LHFPL1: variants seen among roughly 807,000 people sequenced by gnomAD.
LHFPL1 encodes LHFPL tetraspan subfamily member 1 protein.
In LHFPL1, 4 loss-of-function variants were observed where a neutral mutation model predicts 12.1. That is an observed-to-expected ratio of 0.33 (90% CI 0.16 to 0.76). LHFPL1 has a LOEUF of 0.76. Ranked by LOEUF, LHFPL1 falls within the 30% of genes least tolerant of loss-of-function variation. The pLI is 0.61. For synonymous variants in LHFPL1, 52 were observed against 61.9 expected, an observed-to-expected ratio of 0.84 and a Z score of 0.75; for missense variants, 141 against 174.1, an observed-to-expected ratio of 0.81 and a Z score of 1.07.
At position 112,671,104 on chromosome X, in the gene LHFPL1, A is replaced by G; in HGVS notation, c.287T>C (p.Leu96Pro). Residue 96 changes from leucine to proline, a missense_variant, in exon 2 of 4, where the codon CTC becomes CCC. Transcript: ENST00000371968. ...VVTGAGCALL[L>P]LVALAAVLGC... ...CAGGACAGCAGCTAGTGCCACCAGG[A>G]GCAGCAGAGCACAGCCGGCACCTGT... is the stretch of plus-strand genomic sequence containing the variant. 2.5e-6 allele frequency: 3 copies of G among 1,211,792 alleles called. No homozygotes were observed. Among genetic ancestry groups the G allele is most frequent in the Non-Finnish European group, 3.4e-6 (3 of 895,261 alleles).
chrX:112,679,693 G>A (rs1931750620), intron 1 of LHFPL1, 136 bp downstream of exon 1: 1 of 111,625 alleles, frequency 9.0e-6, no homozygotes, highest in Non-Finnish European at 1.9e-5. Context: ...GGTAGAAAAC[G>A]GCTTCTCTGA....
Position 112,676,024 on chromosome X carries a change from C to T in LHFPL1, c.-15+3805G>A, listed in dbSNP as rs902606628. Among the ~76,000 whole-genome samples the T allele has an allele frequency of 2.7e-5, 3 of 111,990 alleles. No homozygotes were observed. The Admixed American group carries it at 2.8e-4, about 11-fold the overall frequency. On this transcript the variant is annotated intron_variant, in intron 1 of 3. Transcript: ENST00000371968. ...CAATATGAGTCTCAGCCCAACTTCCCTTGTGGCTGGATAGAGAGGCTGCAG... is the reference window on the plus strand; with the variant it reads ...CAATATGAGTCTCAGCCCAACTTCCTTTGTGGCTGGATAGAGAGGCTGCAG...
intron 2 of LHFPL1, among the ~76,000 whole-genome samples, chrX:112,669,474 G>A (rs757085963): frequency 8.9e-6 from 1 of 112,208 alleles, no homozygotes; most frequent in African/African-American, 3.2e-5. Context: ...GTGGCTAAAC[G>A]GTGGGAAAAA....
chrX:112,632,368 G>A (rs910373527), intron 3 of LHFPL1, among the ~76,000 whole-genome samples: 1 of 111,929 alleles, frequency 8.9e-6, no homozygotes. Context: ...ATCAGAGACA[G>A]GTTCCTTTGT....
chrX:112,668,219 C>T (rs1341974818), intron 2 of LHFPL1, among the ~76,000 whole-genome samples: 1 of 112,242 alleles, frequency 8.9e-6, no homozygotes, highest in Non-Finnish European at 1.9e-5. Context: ...TTTCCTTCCA[C>T]TGGCAAAGCC....
chrX:112,664,684 A>G (rs1331409035), intron 2 of LHFPL1, among the ~76,000 whole-genome samples: 1 of 110,628 alleles, frequency 9.0e-6, no homozygotes, highest in Non-Finnish European at 1.9e-5. Flanking sequence ...TGATTCCATT[A>G]CATTTTATCA....
At chrX:112,668,925 T>C (rs190572960) in intron 2 of LHFPL1, among the ~76,000 whole-genome samples, 1 of 112,274 alleles carries the variant, frequency 8.9e-6, no homozygotes, top group African/African-American at 3.2e-5. Flanking sequence ...TCCTGACAGT[T>C]AGCCCCTCCT....
intron 3 of LHFPL1, among the ~76,000 whole-genome samples, chrX:112,645,064 G>A (rs1002117100): frequency 8.9e-6 from 1 of 112,180 alleles, no homozygotes. Flanking sequence ...GTGTGTTGGA[G>A]GGGGTCCCTC....
intron 3 of LHFPL1, among the ~76,000 whole-genome samples, chrX:112,645,497 T>C (rs765607165): frequency 8.9e-6 from 1 of 112,086 alleles, no homozygotes; most frequent in Non-Finnish European, 1.9e-5. Flanking sequence ...CTATACTGTA[T>C]GTATTGCATG....
chrX:112,648,340 C>T (rs760662316), intron 3 of LHFPL1, among the ~76,000 whole-genome samples: 25 of 111,329 alleles, frequency 2.2e-4, no homozygotes, highest in African/African-American at 7.5e-4. Flanking sequence ...AAAAGAATAT[C>T]CTTAATAATG....
At chrX:112,653,977 A>T (rs1176095577) in intron 3 of LHFPL1, among the ~76,000 whole-genome samples, 1 of 112,299 alleles carries the variant, frequency 8.9e-6, no homozygotes, top group Non-Finnish European at 1.9e-5. Flanking sequence ...AATGTTGACA[A>T]TCCACAAAAC....
chrX:112,664,938 G>A (rs1188006532), intron 2 of LHFPL1, among the ~76,000 whole-genome samples: 2 of 111,673 alleles, frequency 1.8e-5, no homozygotes, highest in East Asian at 5.6e-4. Flanking sequence ...AGTAACTGCA[G>A]CCCAGGAATA....
chrX:112,670,849 G>A (rs752948443), intron 2 of LHFPL1, among the ~76,000 whole-genome samples, 160 bp downstream of exon 2: 17 of 112,237 alleles, frequency 1.5e-4, no homozygotes, highest in Non-Finnish European at 3.0e-4. Flanking sequence ...TTGCACTTTG[G>A]GAAGTCCTAG....
chrX:112,639,428 C>T (rs947410410), intron 3 of LHFPL1, among the ~76,000 whole-genome samples: 4 of 111,660 alleles, frequency 3.6e-5, no homozygotes, highest in African/African-American at 1.3e-4. Context: ...AGGGGTAGGA[C>T]ATTCTGGGTT....
intron 2 of LHFPL1, among the ~76,000 whole-genome samples, chrX:112,662,678 G>A (rs779924747): frequency 1.7e-4 from 19 of 112,054 alleles, no homozygotes; most frequent in Non-Finnish European, 2.8e-4. Context: ...TATCTGTCTC[G>A]TGGTATCACA....
At position 112,661,680 on chromosome X, in the gene LHFPL1, G is replaced by A. The variant is rs150402156; in HGVS notation, c.383-955C>T. On this transcript the variant is annotated intron_variant, in intron 2 of 3. Transcript: ENST00000371968. The stretch of plus-strand genomic sequence containing the variant: ...ATGACTGGTCTGAAGGTAGTGAGTT[G>A]TCTCAATTGATTGTTCACAGTCAGT... 2.4e-3 allele frequency: 270 copies of A among 111,958 alleles called. 1 individual carries two copies. The highest frequency in any genetic ancestry group is 8.5e-3 in the African/African-American group (261 of 30,817). The allele number at this position is 111,958 out of a possible 1,213,427, so 9.2% of individuals were successfully genotyped here.
At chrX:112,655,858 T>C (rs1373005640) in intron 3 of LHFPL1, among the ~76,000 whole-genome samples, 1 of 111,925 alleles carries the variant, frequency 8.9e-6, no homozygotes, top group Non-Finnish European at 1.9e-5. Flanking sequence ...CATGAGCCAC[T>C]GCACTCAGCC....
intron 3 of LHFPL1, among the ~76,000 whole-genome samples, chrX:112,635,756 T>C (rs1930320530): frequency 8.9e-6 from 1 of 112,108 alleles, no homozygotes; most frequent in African/African-American, 3.2e-5. Flanking sequence ...TAGTAGGAAG[T>C]GGGCATTCTA....
intron 3 of LHFPL1, among the ~76,000 whole-genome samples, chrX:112,654,955 G>C (rs1394416761): frequency 2.7e-5 from 3 of 111,827 alleles, no homozygotes; most frequent in Non-Finnish European, 5.6e-5. Context: ...AACCGGTATG[G>C]AGGGTTCAGA....
Sources: allele counts gnomAD v4.1 joint callset (sites outside exome capture counted in the v4.1 genomes callset), GRCh38; gene constraint gnomAD v4.1.1; transcripts MANE v1.5; gene names NCBI Gene and HGNC (gene_info 2026-07-23, HGNC 2026-07-21).